The following CDH19 variants were observed in gnomAD, a reference collection of about 807,000 sequenced individuals.
CDH19 encodes cadherin-19.
Under a neutral mutation model 64.2 loss-of-function variants are expected in CDH19, and 67 were observed. The ratio of observed to expected loss-of-function variants is 1.04; its 90% CI spans 0.86 to 1.28. The LOEUF (loss-of-function observed/expected upper bound fraction) is 1.28, where lower values mean the gene tolerates loss of function less well. Among genes scored for constraint, CDH19 ranks in the 50% most tolerant of loss-of-function variants. The probability of loss-of-function intolerance (pLI) is 0.00; values close to 1 mark genes in which losing one functional copy is unlikely to be tolerated. For missense variants in CDH19, 1,030 were observed against 929.0 expected, an observed-to-expected ratio of 1.11 and a Z score of -1.41; for synonymous variants, 346 against 319.3, an observed-to-expected ratio of 1.08 and a Z score of -0.89.
At chr18:66,530,602 A>G (rs1203072478) in intron 8 of CDH19, among the ~76,000 whole-genome samples, 3 of 152,064 alleles carry the variant, frequency 2.0e-5, no homozygotes, top group African/African-American at 7.2e-5. Context: ...AATCCAAAAA[A>G]CATAATGAGA....
rs1481933364 is a variant in CDH19, at chr18:66,501,289, G to A, written c.*3523C>T. On this transcript the variant is annotated 3_prime_UTR_variant, in exon 12 of 12. Coordinates refer to ENST00000262150, the MANE Select transcript of CDH19 (RefSeq NM_021153.4). ...ACTGACAATTTCTTGCCCATTAAGG[G>A]TTACATTCTAATAAGCGATAAAGAC... is the stretch of plus-strand genomic sequence containing the variant. 6.6e-6 allele frequency: 1 copy of A among 152,066 alleles called. No individual in the cohort carries two copies. The highest frequency in any genetic ancestry group is 1.5e-5 in the Non-Finnish European group (1 of 68,036). The allele number at this position is 152,066 out of a possible 1,614,324, so 9.4% of individuals were successfully genotyped here. A position where few individuals can be genotyped will look rare whatever the true frequency, so the allele number is the denominator to read the frequency against.
At chr18:66,559,445 T>C (rs993533465) in intron 3 of CDH19, among the ~76,000 whole-genome samples, 1 of 151,784 alleles carries the variant, frequency 6.6e-6, no homozygotes, top group Non-Finnish European at 1.5e-5. Context: ...GGCATTGTAC[T>C]GAACTTCCTA....
intron 3 of CDH19, among the ~76,000 whole-genome samples, chr18:66,566,845 G>T (rs118026039): frequency 6.6e-6 from 1 of 151,794 alleles, no homozygotes; most frequent in Non-Finnish European, 1.5e-5. Flanking sequence ...CTCCAGCTAC[G>T]TTCTCTGCCA....
intron 5 of CDH19, among the ~76,000 whole-genome samples, chr18:66,549,526 T>C (rs1211470419): frequency 6.6e-6 from 1 of 152,140 alleles, no homozygotes; most frequent in Non-Finnish European, 1.5e-5. Flanking sequence ...ATCATATACA[T>C]CATATGTGAC....
chr18:66,544,762 A>G lies in CDH19; in HGVS notation c.917T>C (p.Ile306Thr), dbSNP rs1987038559. Reference sequence around the variant, plus strand: ...TCCTTCTTGAGTTTCATGATTAGTAATAATGTCAAATGTTTGCGAATCATC... The same window carrying G: ...TCCTTCTTGAGTTTCATGATTAGTAGTAATGTCAAATGTTTGCGAATCATC... ...EEDDSQTFDI[I>T]TNHETQEGIV... is the part of the protein sequence containing the mutation. Residue 306 changes from isoleucine to threonine, a missense_variant, in exon 6 of 12, where the codon ATT becomes ACT. By Grantham distance (89) the Ile-to-Thr change is moderately conservative. Coordinates refer to ENST00000262150, the MANE Select transcript of CDH19 (RefSeq NM_021153.4). 9.9e-6 allele frequency: 16 copies of G among 1,611,586 alleles called. No homozygotes were observed. Among genetic ancestry groups the G allele is most frequent in the Non-Finnish European group, 1.4e-5 (16 of 1,178,254 alleles).
At chr18:66,545,047 C>G (rs1022830903) in intron 5 of CDH19, 144 bp from the exon 6 acceptor site, 1 of 551,000 alleles carries the variant, frequency 1.8e-6, no homozygotes, top group African/African-American at 1.9e-5. Flanking sequence ...GGTGTGATCT[C>G]GGTTCACTGC....
chr18:66,532,592 G>T, intron 8 of CDH19: 1 of 365,762 alleles, frequency 2.7e-6, no homozygotes, highest in South Asian at 2.2e-5. Flanking sequence ...TGAAGCGTAT[G>T]GAAATCTTTC....
At chr18:66,538,260 A>T (rs2144458409) in intron 7 of CDH19, among the ~76,000 whole-genome samples, 1 of 152,236 alleles carries the variant, frequency 6.6e-6, no homozygotes, top group East Asian at 1.9e-4. Context: ...ATTTGTCTAT[A>T]ATATAATAAA....
chr18:66,580,461 T>C (rs926108163), intron 1 of CDH19, among the ~76,000 whole-genome samples: 1 of 152,054 alleles, frequency 6.6e-6, no homozygotes, highest in Non-Finnish European at 1.5e-5. Flanking sequence ...ATAAAGCAAT[T>C]AGTTAAGTTA....
intron 3 of CDH19, among the ~76,000 whole-genome samples, chr18:66,558,156 T>C (rs570215): frequency 6.8e-6 from 1 of 147,964 alleles, no homozygotes; most frequent in East Asian, 2.0e-4. Context: ...TCATATATCT[T>C]TATCTCATAT....
chr18:66,587,665 C>G (rs1337816452), intron 1 of CDH19, among the ~76,000 whole-genome samples: 12 of 152,080 alleles, frequency 7.9e-5, no homozygotes, highest in Admixed American at 7.9e-4. Flanking sequence ...ATTGTCTCGT[C>G]TTTATTGCTT....
At chr18:66,589,089 T>C (rs1297941554) in intron 1 of CDH19, among the ~76,000 whole-genome samples, 1 of 151,868 alleles carries the variant, frequency 6.6e-6, no homozygotes. Context: ...CCAATTACCA[T>C]ACATGTAGAG....
At chr18:66,510,343 A>G (rs1985413212) in intron 10 of CDH19, among the ~76,000 whole-genome samples, 1 of 150,944 alleles carries the variant, frequency 6.6e-6, no homozygotes, top group African/African-American at 2.4e-5. Flanking sequence ...ATTACTTGTG[A>G]CCACAAGCAT....
At chr18:66,545,190 G>T (rs1477700409) in intron 5 of CDH19, among the ~76,000 whole-genome samples, 1 of 151,922 alleles carries the variant, frequency 6.6e-6, no homozygotes, top group Non-Finnish European at 1.5e-5. Flanking sequence ...GTTTTAGCTA[G>T]GATGGTCTCG....
At chr18:66,577,330 C>CT (rs1333549812) in intron 1 of CDH19, among the ~76,000 whole-genome samples, 2 of 151,868 alleles carry the variant, frequency 1.3e-5, no homozygotes, top group Non-Finnish European at 2.9e-5. Flanking sequence ...TGCCATCTGA[C>CT]TTTAACACAT....
chr18:66,506,609 A>G (rs967716581), intron 11 of CDH19, among the ~76,000 whole-genome samples: 17 of 152,076 alleles, frequency 1.1e-4, no homozygotes, highest in African/African-American at 3.4e-4. Flanking sequence ...TAATTTTAAC[A>G]TCATGTAGAA....
At chr18:66,538,361 A>T (rs1986756084) in intron 7 of CDH19, among the ~76,000 whole-genome samples, 1 of 152,036 alleles carries the variant, frequency 6.6e-6, no homozygotes, top group Non-Finnish European at 1.5e-5. Flanking sequence ...TAGTATTTTC[A>T]TCTATATCTT....
At chr18:66,513,777 C>A (rs1357934439) in intron 9 of CDH19, among the ~76,000 whole-genome samples, 1 of 151,410 alleles carries the variant, frequency 6.6e-6, no homozygotes, top group Non-Finnish European at 1.5e-5. Context: ...ATACCAAGAA[C>A]AGCCATGGCT....
intron 8 of CDH19, among the ~76,000 whole-genome samples, chr18:66,533,010 T>A (rs1310061027): frequency 6.6e-6 from 1 of 152,074 alleles, no homozygotes; most frequent in Non-Finnish European, 1.5e-5. Flanking sequence ...TGGCAATCTC[T>A]TAGATTTCCT....
Sources: allele counts gnomAD v4.1 joint callset (sites outside exome capture counted in the v4.1 genomes callset), GRCh38; gene constraint gnomAD v4.1.1; transcripts MANE v1.5; gene names NCBI Gene and HGNC (gene_info 2026-07-23, HGNC 2026-07-21).